The following EFHC1 variants were observed in gnomAD, a reference collection of about 807,000 sequenced individuals.
EFHC1 encodes EF-hand domain containing 1, also known as EF-hand domain-containing protein 1.
A neutral mutation model predicts 69.9 loss-of-function variants in EFHC1; 53 were observed. The observed-to-expected ratio is 0.76, with a 90% CI of 0.61 to 0.95. The LOEUF is 0.95. Ranked by LOEUF, EFHC1 falls within the 40% of genes least tolerant of loss-of-function variation. The pLI is 0.00. For missense variants in EFHC1, 739 were observed against 798.7 expected, an observed-to-expected ratio of 0.93 and a Z score of 0.90; for synonymous variants, 256 against 278.4, an observed-to-expected ratio of 0.92 and a Z score of 0.80.
At chr6:52,453,428 G>A in intron 4 of EFHC1, 2 of 1,287,128 alleles carry the variant, frequency 1.6e-6, no homozygotes, top group Non-Finnish European at 2.0e-6. Context: ...ACTAAAGGGA[G>A]AAAGAAAAGG....
At chr6:52,439,832 C>T (rs1318177400) in intron 3 of EFHC1, among the ~76,000 whole-genome samples, 1 of 152,116 alleles carries the variant, frequency 6.6e-6, no homozygotes, top group African/African-American at 2.4e-5. Context: ...TTGAGATATT[C>T]TCCCGTTCCA....
At chr6:52,421,001 A>G in intron 1 of EFHC1, 1 of 1,021,358 alleles carries the variant, frequency 9.8e-7, no homozygotes, top group Non-Finnish European at 1.2e-6. Flanking sequence ...ACCCGGTAGT[A>G]TCTCCCACTC....
chr6:52,422,171 A>G (rs981409012), intron 1 of EFHC1, among the ~76,000 whole-genome samples: 1 of 152,196 alleles, frequency 6.6e-6, no homozygotes, highest in African/African-American at 2.4e-5. Context: ...GTGAACCATA[A>G]TGGACAAGAG....
In EFHC1 at chr6:52,495,640, A is replaced by G; in HGVS notation, c.*3299A>G. Reference sequence around the variant, plus strand: ...GGTCTTACTCTGTTGCCAGACTGGAATGCGGTGGTGTGACCATAGCTCACT... The same window carrying G: ...GGTCTTACTCTGTTGCCAGACTGGAGTGCGGTGGTGTGACCATAGCTCACT... On this transcript the variant is annotated 3_prime_UTR_variant, in exon 11 of 11. Coordinates refer to ENST00000371068, the MANE Select transcript of EFHC1 (RefSeq NM_018100.4). 1 of 452,106 alleles carries G rather than the reference A, an allele frequency of 2.2e-6. No homozygotes were observed. Among genetic ancestry groups the G allele is most frequent in the Non-Finnish European group, 4.4e-6 (1 of 225,336 alleles). The allele number at this position is 452,106 out of a possible 1,614,324, so 28.0% of individuals were successfully genotyped here.
chr6:52,467,181 CTTT>C (rs35984636), intron 6 of EFHC1, among the ~76,000 whole-genome samples: 8 of 134,826 alleles, frequency 5.9e-5, no homozygotes, highest in Non-Finnish European at 7.9e-5. Context: ...AGGACTTTGA[CTTT>C]TTTTTTTTTT....
intron 7 of EFHC1, among the ~76,000 whole-genome samples, chr6:52,471,169 C>T (rs570204700): frequency 6.6e-6 from 1 of 152,308 alleles, no homozygotes; most frequent in African/African-American, 2.4e-5. Flanking sequence ...AGAAGACCCA[C>T]CTGTGAGGAC....
chr6:52,424,507 G>A (rs1277338161), intron 2 of EFHC1, among the ~76,000 whole-genome samples: 1 of 152,176 alleles, frequency 6.6e-6, no homozygotes, highest in East Asian at 1.9e-4. Context: ...ACTGTATTCT[G>A]TAATGGTGAC....
chr6:52,438,730 C>A, intron 3 of EFHC1, 139 bp downstream of exon 3: 1 of 923,620 alleles, frequency 1.1e-6, no homozygotes, highest in South Asian at 1.4e-5. Context: ...TAGGTATTTG[C>A]ATGTGTGTAT....
intron 5 of EFHC1, among the ~76,000 whole-genome samples, chr6:52,460,108 T>A (rs1247428539): frequency 6.6e-6 from 1 of 152,238 alleles, no homozygotes; most frequent in African/African-American, 2.4e-5. Context: ...CAGCTTTTTT[T>A]ATAATAGCCA....
chr6:52,490,266 A>T lies in EFHC1; in HGVS notation c.1767A>T (p.Glu589Asp). ...IREAFQIYDK[E>D]ASGYVDRDMF... is the part of the protein sequence containing the mutation. ...AGGCATTTCAAATTTATGACAAGGA[A>T]GCTTCAGGATATGTGGACAGAGACA... Residue 589 changes from glutamate to aspartate, a missense_variant, in exon 10 of 11, where the codon GAA (glutamate) becomes GAT (aspartate). Coordinates refer to ENST00000371068, the MANE Select transcript of EFHC1 (RefSeq NM_018100.4). 6.2e-7 allele frequency: 1 copy of T among 1,614,172 alleles called. No individual in the cohort carries two copies. Among genetic ancestry groups the T allele is most frequent in the Non-Finnish European group, 8.5e-7 (1 of 1,180,002 alleles).
Position 52,495,023 on chromosome 6 carries a change from A to C in EFHC1, c.*2682A>C. The stretch of plus-strand genomic sequence containing the variant: ...AGTTCTTAGAACTCTTTCCAACCGG[A>C]AACTGCCCAGTGCACCACTCTCAGA... On this transcript the variant is annotated 3_prime_UTR_variant, in exon 11 of 11. Transcript: ENST00000371068. 2.2e-6 allele frequency: 1 copy of C among 454,058 alleles called. No individual in the cohort carries two copies. The allele number at this position is 454,058 out of a possible 1,614,324, so 28.1% of individuals were successfully genotyped here.
chr6:52,472,182 A>G (rs2114015597), intron 7 of EFHC1, among the ~76,000 whole-genome samples: 1 of 152,230 alleles, frequency 6.6e-6, no homozygotes, highest in Non-Finnish European at 1.5e-5. Flanking sequence ...TTTTAATAAA[A>G]AAAAAGAATA....
chr6:52,472,481 A>G (rs886727349), intron 7 of EFHC1, among the ~76,000 whole-genome samples: 2 of 152,198 alleles, frequency 1.3e-5, no homozygotes, highest in African/African-American at 4.8e-5. Flanking sequence ...AGGGAAGTCA[A>G]TATACAAATA....
In EFHC1 at chr6:52,452,702, C is replaced by T; in HGVS notation, c.588C>T (p.Ser196=). ...CDQFTQVFLE[S]QGIELNPPEK... is the part of the protein sequence containing the mutation. Reference sequence around the variant, plus strand: ...CAATTATTTAGGTATTTTTAGAAAGCCAAGGAATTGAGTTAAATCCACCAG... The same window carrying T: ...CAATTATTTAGGTATTTTTAGAAAGTCAAGGAATTGAGTTAAATCCACCAG... Residue 196 remains serine (S), a synonymous_variant, in exon 4 of 11, where the codon AGC becomes AGT. Coordinates refer to ENST00000371068, the MANE Select transcript of EFHC1 (RefSeq NM_018100.4). The T allele has an allele frequency of 6.2e-7, 1 of 1,614,062 alleles. No individual in the cohort carries two copies. Among genetic ancestry groups the T allele is most frequent in the Non-Finnish European group, 8.5e-7 (1 of 1,180,014 alleles).
intron 3 of EFHC1, among the ~76,000 whole-genome samples, chr6:52,448,503 C>T (rs998615896): frequency 7.2e-5 from 11 of 152,150 alleles, no homozygotes; most frequent in African/African-American, 2.4e-4. Flanking sequence ...GGGAATTCCC[C>T]GACCCCTTGT....
intron 3 of EFHC1, among the ~76,000 whole-genome samples, chr6:52,449,087 A>G (rs1359056796): frequency 6.6e-6 from 1 of 152,170 alleles, no homozygotes; most frequent in Non-Finnish European, 1.5e-5. Context: ...TTCTGTAGGA[A>G]CAGTACCAGC....
At position 52,493,234 on chromosome 6, in the gene EFHC1, A is replaced by G. The variant is rs1370457985; in HGVS notation, c.*893A>G. The G allele has an allele frequency of 8.8e-6, 4 of 453,244 alleles. No homozygotes were observed. Among genetic ancestry groups the G allele is most frequent in the Non-Finnish European group, 1.8e-5 (4 of 226,676 alleles). 28.1% of individuals were successfully genotyped at this position (453,244 alleles called of 1,614,324 possible). On this transcript the variant is annotated 3_prime_UTR_variant, in exon 11 of 11. Coordinates refer to ENST00000371068, the MANE Select transcript of EFHC1 (RefSeq NM_018100.4). ...GCTCTCCTAAGTCATAGGCCTTTGG[A>G]TTCAGACTGGAATTATACCTTTAGC...
chr6:52,429,128 C>T (rs992911910), intron 2 of EFHC1, among the ~76,000 whole-genome samples: 12 of 152,012 alleles, frequency 7.9e-5, no homozygotes, highest in Admixed American at 7.2e-4. Context: ...AAGATTTTTT[C>T]CCACTCTGTG....
intron 5 of EFHC1, among the ~76,000 whole-genome samples, chr6:52,459,355 G>T (rs1033526722): frequency 2.0e-5 from 3 of 152,132 alleles, no homozygotes; most frequent in African/African-American, 7.2e-5. Flanking sequence ...ATATAAAGTG[G>T]CTCTTAAAAC....
Sources: gnomAD v4.1 joint callset for allele counts (sites outside exome capture counted in the v4.1 genomes callset) on GRCh38, gnomAD v4.1.1 for gene constraint, MANE v1.5 for transcripts, NCBI Gene and HGNC (gene_info 2026-07-23, HGNC 2026-07-21) for gene names.